The following AAK1 variants were observed in gnomAD, a reference collection of about 807,000 sequenced individuals.
AAK1 encodes AP2 associated kinase 1.
AAK1 carries 37 observed loss-of-function variants against 116.0 expected under a neutral mutation model. That is an observed-to-expected ratio of 0.32 (90% confidence interval 0.25 to 0.42). The LOEUF (loss-of-function observed/expected upper bound fraction) is 0.42. AAK1 is among the 10% of genes least tolerant of loss of function. AAK1 has a pLI of 1.00. For synonymous variants in AAK1, 458 were observed against 439.9 expected, an observed-to-expected ratio of 1.04 and a Z score of -0.51; for missense variants, 919 against 1,170.6, an observed-to-expected ratio of 0.79 and a Z score of 3.14.
At chr2:69,636,016 T>C (rs1355059751) in intron 2 of AAK1, among the ~76,000 whole-genome samples, 1 of 152,222 alleles carries the variant, frequency 6.6e-6, no homozygotes, top group Non-Finnish European at 1.5e-5. Context: ...GGCCCAACAC[T>C]AGCACTCCCA....
intron 8 of AAK1, 76 bp downstream of exon 8, chr2:69,529,932 T>A: frequency 7.8e-7 from 1 of 1,287,714 alleles, no homozygotes; most frequent in South Asian, 1.6e-5. Flanking sequence ...ACTCCTGGAA[T>A]CTAATCCCTT....
At chr2:69,549,616 A>G (rs1671091170) in intron 3 of AAK1, among the ~76,000 whole-genome samples, 1 of 152,166 alleles carries the variant, frequency 6.6e-6, no homozygotes, top group African/African-American at 2.4e-5. Context: ...ATCACCTTCT[A>G]TAATTCTATT....
At chr2:69,479,189 A>G (rs2104890163) in intron 19 of AAK1, 128 bp from the exon 20 acceptor site, 1 of 656,348 alleles carries the variant, frequency 1.5e-6, no homozygotes, top group Non-Finnish European at 2.6e-6. Flanking sequence ...CCAAAGCGGG[A>G]GAATAAAAAC....
chr2:69,520,362 T>C (rs999702237), intron 11 of AAK1, among the ~76,000 whole-genome samples: 12 of 148,764 alleles, frequency 8.1e-5, no homozygotes, highest in East Asian at 3.9e-4. Context: ...TCTTTTCTTT[T>C]TTTTTTTTTT....
At chr2:69,483,581 T>A (rs1264213481) in intron 17 of AAK1, among the ~76,000 whole-genome samples, 1 of 152,220 alleles carries the variant, frequency 6.6e-6, no homozygotes, top group Non-Finnish European at 1.5e-5. Flanking sequence ...CGGGCTTAGT[T>A]TTGAATCTCT....
intron 17 of AAK1, among the ~76,000 whole-genome samples, chr2:69,488,096 C>T (rs1675372072): frequency 6.6e-6 from 1 of 151,286 alleles, no homozygotes; most frequent in Admixed American, 6.6e-5. Context: ...AGTTTTTAGG[C>T]TTACTCTGAT....
At chr2:69,567,348 C>T (rs926081331) in intron 2 of AAK1, among the ~76,000 whole-genome samples, 3 of 152,202 alleles carry the variant, frequency 2.0e-5, no homozygotes, top group East Asian at 1.9e-4. Context: ...CTCTACTTTC[C>T]CTCCAGGACA....
At position 69,573,228 on chromosome 2, in the gene AAK1, G is replaced by C. The variant is rs552139415; in HGVS notation, c.164-16250C>G. 1.1e-4 allele frequency among the ~76,000 whole-genome samples: 17 copies of C among 152,298 alleles called. No individual in the cohort carries two copies. In the South Asian group the frequency reaches 3.5e-3, roughly 32 times the overall value. On this transcript the variant is annotated intron_variant, in intron 2 of 21. Coordinates refer to ENST00000409085, the MANE Select transcript of AAK1 (RefSeq NM_014911.5). Reference sequence around the variant, plus strand: ...AAGGGTTGAAGAGAGAGGCCACGAGGTCAGTGCAGAGCAGTCAGAAGCCTA... The same window carrying C: ...AAGGGTTGAAGAGAGAGGCCACGAGCTCAGTGCAGAGCAGTCAGAAGCCTA...
chr2:69,605,419 T>C (rs1457875391), intron 2 of AAK1, among the ~76,000 whole-genome samples: 2 of 152,216 alleles, frequency 1.3e-5, no homozygotes, highest in Non-Finnish European at 2.9e-5. Context: ...CTTTTCCTTC[T>C]TATGCATTTT....
rs13032398 is a variant in AAK1 at position 69,612,357 on chromosome 2, A to G, written c.163+30521T>C. 6.5e-3 allele frequency among the ~76,000 whole-genome samples: 994 copies of G among 152,352 alleles called. 2 individuals carry two copies. The highest frequency in any genetic ancestry group is 0.011 in the Non-Finnish European group (721 of 68,032). The stretch of plus-strand genomic sequence containing the variant: ...GCAGTCCTTCTACCTATTAGCAGAC[A>G]ACTTTGTGGCAAGTTGCTTAAACTT... On this transcript the variant is annotated intron_variant, in intron 2 of 21. Coordinates refer to ENST00000409085, the MANE Select transcript of AAK1 (RefSeq NM_014911.5).
At chr2:69,620,717 G>A (rs981002540) in intron 2 of AAK1, among the ~76,000 whole-genome samples, 2 of 152,000 alleles carry the variant, frequency 1.3e-5, no homozygotes, top group Non-Finnish European at 2.9e-5. Context: ...CTCCCACCTC[G>A]CTGGACATTC....
At chr2:69,480,656 C>T (rs1675051011) in intron 19 of AAK1, among the ~76,000 whole-genome samples, 1 of 152,090 alleles carries the variant, frequency 6.6e-6, no homozygotes, top group African/African-American at 2.4e-5. Flanking sequence ...GAGAACATGG[C>T]TCCAAAAAGT....
chr2:69,568,877 TCAGCC>T (rs1355668598), intron 2 of AAK1, among the ~76,000 whole-genome samples: 27 of 152,176 alleles, frequency 1.8e-4, no homozygotes, highest in Admixed American at 3.9e-4. Context: ...CTGTCATCCA[TCAGCC>T]CCTAGGTCGT....
intron 2 of AAK1, among the ~76,000 whole-genome samples, chr2:69,583,101 T>C (rs1672615725): frequency 6.6e-6 from 1 of 152,230 alleles, no homozygotes; most frequent in Non-Finnish European, 1.5e-5. Flanking sequence ...AATAACAAGC[T>C]ATGACCTTGA....
intron 2 of AAK1, among the ~76,000 whole-genome samples, chr2:69,570,052 T>C (rs887949750): frequency 1.3e-5 from 2 of 152,156 alleles, no homozygotes; most frequent in Non-Finnish European, 2.9e-5. Flanking sequence ...ACAGAGCTTT[T>C]CTTATACCAA....
At position 69,475,453 on chromosome 2, in the gene AAK1, T is replaced by C. The variant is rs1219555368; in HGVS notation, c.*416A>G. The C allele has an allele frequency of 4.0e-6, 4 of 1,005,668 alleles. No individual in the cohort carries two copies. Among genetic ancestry groups the C allele is most frequent in the African/African-American group, 3.5e-5 (2 of 57,732 alleles). The allele number at this position is 1,005,668 out of a possible 1,614,324, so 62.3% of individuals were successfully genotyped here. A position where few individuals can be genotyped will look rare whatever the true frequency, so the allele number is the denominator to read the frequency against. On this transcript the variant is annotated 3_prime_UTR_variant, in exon 22 of 22. Transcript: ENST00000409085. ...AAACAGGGAAATACATTCATCAGCATCTGGCCAAAGGAGACGGGGGTTGGG... is the reference window on the plus strand; with the variant it reads ...AAACAGGGAAATACATTCATCAGCACCTGGCCAAAGGAGACGGGGGTTGGG...
Position 69,470,709 on chromosome 2 carries a change from C to CT in AAK1, c.*5159dup. The CT allele has an allele frequency of 4.1e-6, 4 of 985,462 alleles. No homozygotes were observed. The highest frequency in any genetic ancestry group is 4.8e-6 in the Non-Finnish European group (4 of 829,942). 61.0% of individuals were successfully genotyped at this position (985,462 alleles called of 1,614,324 possible). ...ATATCCAGTGTAGGCTGGCAGGCGTCTTATTCTCCTTGAGACTAAAACAGG... is the reference window on the plus strand; with the variant it reads ...ATATCCAGTGTAGGCTGGCAGGCGTCTTTATTCTCCTTGAGACTAAAACAGG... On this transcript the variant is annotated 3_prime_UTR_variant, in exon 22 of 22. Transcript: ENST00000409085.
intron 10 of AAK1, among the ~76,000 whole-genome samples, chr2:69,524,731 C>T (rs1669946595): frequency 6.6e-6 from 1 of 152,198 alleles, no homozygotes; most frequent in African/African-American, 2.4e-5. Context: ...CCACGCCTGG[C>T]CGTACTAGCA....
chr2:69,596,108 C>A (rs1323964574), intron 2 of AAK1, among the ~76,000 whole-genome samples: 6 of 152,178 alleles, frequency 3.9e-5, no homozygotes, highest in Non-Finnish European at 7.3e-5. Context: ...TGCTCCTTGA[C>A]AATGCACCTA....
Sources: gnomAD v4.1 joint callset for allele counts (sites outside exome capture counted in the v4.1 genomes callset) on GRCh38, gnomAD v4.1.1 for gene constraint, MANE v1.5 for transcripts, NCBI Gene and HGNC (gene_info 2026-07-23, HGNC 2026-07-21) for gene names.